The following SVEP1 variants were observed in gnomAD, a reference collection of about 807,000 sequenced individuals.
The protein encoded by SVEP1 is sushi, von Willebrand factor type A, EGF and pentraxin domain containing 1, also known as sushi, von Willebrand factor type A, EGF and pentraxin domain-containing protein 1.
In SVEP1, 164 loss-of-function variants were observed where a neutral mutation model predicts 367.3. The observed-to-expected ratio is 0.45, with a 90% confidence interval of 0.39 to 0.51. The LOEUF is 0.51. SVEP1 is among the 20% of genes least tolerant of loss of function. The pLI is 0.00. For synonymous variants in SVEP1, 1,666 were observed against 1,611.6 expected, an observed-to-expected ratio of 1.03 and a Z score of -0.81; for missense variants, 4,117 against 4,425.3, an observed-to-expected ratio of 0.93 and a Z score of 1.98.
intron 9 of SVEP1, among the ~76,000 whole-genome samples, chr9:110,486,347 G>A (rs891006652): frequency 9.2e-5 from 14 of 152,188 alleles, no homozygotes; most frequent in Non-Finnish European, 1.9e-4. Flanking sequence ...ACTGTCAAAA[G>A]AATTGGAGGC....
chr9:110,513,564 C>A (rs1179943497), intron 4 of SVEP1, among the ~76,000 whole-genome samples: 1 of 152,050 alleles, frequency 6.6e-6, no homozygotes, highest in Non-Finnish European at 1.5e-5. Flanking sequence ...ATACTGAGAC[C>A]CTTTACTTAT....
Position 110,568,429 on chromosome 9 carries a change from T to C in SVEP1, c.531+10584A>G, listed in dbSNP as rs1299552481. 2.6e-5 allele frequency among the ~76,000 whole-genome samples: 4 copies of C among 152,266 alleles called. No homozygotes were observed. The East Asian group carries it at 7.7e-4, about 29-fold the overall frequency. On this transcript the variant is annotated intron_variant, in intron 1 of 47. Transcript: ENST00000374469. ...TATTTTCTCATGGGAAATTCCTTGA[T>C]TGGTAAATATTTCGTTTTAGGATTT...
chr9:110,385,821 T>C, intron 43 of SVEP1, 77 bp downstream of exon 43: 1 of 1,486,860 alleles, frequency 6.7e-7, no homozygotes. Flanking sequence ...CTAAGTGACT[T>C]GATTGAAAAC....
Position 110,411,504 on chromosome 9 carries a change from G to A in SVEP1, c.6207C>T (p.Pro2069=). The change falls in exon 37 of 48, where the codon CCC becomes CCT. Residue 2069 remains proline, a synonymous_variant. Coordinates refer to ENST00000374469, the MANE Select transcript of SVEP1 (RefSeq NM_153366.4). Reference sequence around the variant, plus strand: ...AACGGGGCATGTCTTGACCTTCTGGGGGTACCCACTTGCCCTGGGCATTGC... The same window carrying A: ...AACGGGGCATGTCTTGACCTTCTGGAGGTACCCACTTGCCCTGGGCATTGC... The part of the protein sequence containing the change: ...LLCNAQGKWV[P]PEGQDMPRCI... 1 of 1,614,012 alleles carries A rather than the reference G, an allele frequency of 6.2e-7. No individual in the cohort carries two copies. The highest frequency in any genetic ancestry group is 8.5e-7 in the Non-Finnish European group (1 of 1,179,912).
At chr9:110,461,576 C>A (rs1301549011) in intron 18 of SVEP1, among the ~76,000 whole-genome samples, 1 of 151,846 alleles carries the variant, frequency 6.6e-6, no homozygotes, top group Non-Finnish European at 1.5e-5. Flanking sequence ...CATGTCATAG[C>A]ATCTTTTTTT....
Position 110,579,728 on chromosome 9 carries a change from A to C in SVEP1, c.-185T>G. ...ATCCAGACTCCTCAGCAGCTCGGGA[A>C]CTCCGGAGGGAACGGCGCGCGCTCT... On this transcript the variant is annotated 5_prime_UTR_variant, in exon 1 of 48. Coordinates refer to ENST00000374469, the MANE Select transcript of SVEP1 (RefSeq NM_153366.4). The surrounding 1 kb of genome is among the most constrained non-coding windows in gnomAD (Gnocchi z 5.3). The C allele has an allele frequency of 1.6e-6, 1 of 644,188 alleles. No individual in the cohort carries two copies. The highest frequency in any genetic ancestry group is 2.4e-6 in the Non-Finnish European group (1 of 418,146). The allele number at this position is 644,188 out of a possible 1,614,324, so 39.9% of individuals were successfully genotyped here.
rs751410933 is a variant in SVEP1 at position 110,579,571 on chromosome 9, G to A, written c.-28C>T. 1 of 1,541,094 alleles carries A rather than the reference G, an allele frequency of 6.5e-7. No homozygotes were observed. The highest frequency in any genetic ancestry group is 1.2e-5 in the South Asian group (1 of 82,140). ...CGCTGGAGACAGAGCGGCTGCCCCG[G>A]AGCGCAGGCGGCGGCTCGGGCGGGA... On this transcript the variant is annotated 5_prime_UTR_variant, in exon 1 of 48. Transcript: ENST00000374469. This position sits in a 1 kb window ranked among gnomAD's most constrained non-coding sequence, Gnocchi z 5.3.
intron 40 of SVEP1, among the ~76,000 whole-genome samples, chr9:110,400,077 T>C (rs1467716101): frequency 6.6e-6 from 1 of 152,182 alleles, no homozygotes; most frequent in Non-Finnish European, 1.5e-5. Flanking sequence ...TGGTATTAGT[T>C]AAAACTGTTC....
At chr9:110,570,271 T>C (rs920497340) in intron 1 of SVEP1, among the ~76,000 whole-genome samples, 1 of 152,186 alleles carries the variant, frequency 6.6e-6, no homozygotes, top group Non-Finnish European at 1.5e-5. Flanking sequence ...GGCAGCTTAC[T>C]AGAGAAAAGA....
chr9:110,371,385 G>A (rs557922091), intron 46 of SVEP1, among the ~76,000 whole-genome samples: 63 of 152,252 alleles, frequency 4.1e-4, no homozygotes, highest in Admixed American at 9.2e-4. Context: ...GGTGGTCCCA[G>A]TATTCCACTC....
At chr9:110,401,957 T>C (rs1309428495) in intron 39 of SVEP1, among the ~76,000 whole-genome samples, 1 of 152,140 alleles carries the variant, frequency 6.6e-6, no homozygotes, top group Non-Finnish European at 1.5e-5. Context: ...AAAAGTAATT[T>C]TGTATATATG....
chr9:110,566,634 C>T (rs1830497627), intron 1 of SVEP1, among the ~76,000 whole-genome samples: 1 of 152,152 alleles, frequency 6.6e-6, no homozygotes. Flanking sequence ...AAAACTGTGA[C>T]TCTATAACCA....
At chr9:110,474,807 T>A (rs1475956526) in intron 14 of SVEP1, among the ~76,000 whole-genome samples, 1 of 152,130 alleles carries the variant, frequency 6.6e-6, no homozygotes, top group East Asian at 1.9e-4. Context: ...AGGAAACTAT[T>A]TCTATAAATT....
rs755925254 is a variant in SVEP1 at position 110,458,575 on chromosome 9, T to C, written c.3485-13A>G. 13 of 1,599,876 alleles carry C rather than the reference T, an allele frequency of 8.1e-6. No individual in the cohort carries two copies. In the Admixed American group the frequency reaches 1.2e-4, roughly 15 times the overall value. On this transcript the variant is annotated splice_polypyrimidine_tract_variant and intron_variant, in intron 19 of 47. Coordinates refer to ENST00000374469, the MANE Select transcript of SVEP1 (RefSeq NM_153366.4). ...GTTGAACTAAAACCTAATCAATTAA[T>C]AGAAAAACATGTCAGTGTGGCAAAT...
chr9:110,474,722 C>T (rs974535867), intron 14 of SVEP1, among the ~76,000 whole-genome samples: 4 of 152,094 alleles, frequency 2.6e-5, no homozygotes, highest in African/African-American at 9.7e-5. Flanking sequence ...CTATCTAAAA[C>T]CTTAATTTCC....
chr9:110,451,573 A>C (rs1167194952), intron 22 of SVEP1, among the ~76,000 whole-genome samples, 171 bp from the exon 23 acceptor site: 9 of 152,176 alleles, frequency 5.9e-5, no homozygotes, highest in Non-Finnish European at 1.5e-5. Context: ...TGAACTGCAA[A>C]ATTTTTCTAG....
At position 110,579,294 on chromosome 9, in the gene SVEP1, G is replaced by A. The variant is rs1830663819; in HGVS notation, c.250C>T (p.Leu84Phe). The A allele has an allele frequency of 6.4e-7, 1 of 1,568,894 alleles. No individual in the cohort carries two copies. The highest frequency in any genetic ancestry group is 8.6e-7 in the Non-Finnish European group (1 of 1,158,648). Residue 84 changes from leucine (L) to phenylalanine (F), a missense_variant, in exon 1 of 48, where the codon CTT becomes TTT. Physicochemically the swap from Leu to Phe is conservative, Grantham distance 22 (BLOSUM62 0). Coordinates refer to ENST00000374469, the MANE Select transcript of SVEP1 (RefSeq NM_153366.4). The surrounding 1 kb of genome is among the most constrained non-coding windows in gnomAD (Gnocchi z 5.3). Reference sequence around the variant, plus strand: ...GACGAATCATCCACCAGGAAGACAAGCTCCAGGCGCTCGCTGAGCTCCCGC... The same window carrying A: ...GACGAATCATCCACCAGGAAGACAAACTCCAGGCGCTCGCTGAGCTCCCGC... ...LLRELSERLE[L>F]VFLVDDSSSV... is the part of the protein sequence containing the mutation.
chr9:110,572,789 CAAAAAA>C (rs56077443), intron 1 of SVEP1, among the ~76,000 whole-genome samples: 4,112 of 76,454 alleles, frequency 0.054, 74 homozygotes, highest in Non-Finnish European at 0.058. Flanking sequence ...CTCTCTCTCA[CAAAAAA>C]AAAAAAAAAA....
intron 3 of SVEP1, among the ~76,000 whole-genome samples, chr9:110,537,822 C>T (rs1233258374): frequency 2.0e-5 from 3 of 151,310 alleles, no homozygotes; most frequent in East Asian, 1.9e-4. Flanking sequence ...TAAAAATCAA[C>T]GAGGGATTTG....
Sources: allele counts gnomAD v4.1 joint callset (sites outside exome capture counted in the v4.1 genomes callset), GRCh38; gene constraint gnomAD v4.1.1; non-coding constraint Gnocchi (gnomAD v3.1); transcripts MANE v1.5; gene names NCBI Gene and HGNC (gene_info 2026-07-23, HGNC 2026-07-21).